RABGEF1: variants seen among roughly 807,000 people sequenced by gnomAD.
RABGEF1 encodes the protein rab5 GDP/GTP exchange factor.
In RABGEF1, 26 loss-of-function variants were observed where a neutral mutation model predicts 57.3. The ratio of observed to expected loss-of-function variants is 0.45; its 90% CI spans 0.33 to 0.63. The LOEUF (loss-of-function observed/expected upper bound fraction) is 0.63. Among genes scored for constraint, RABGEF1 ranks in the 20% least tolerant of loss-of-function variants. The pLI is 0.02. For synonymous variants in RABGEF1, 185 were observed against 210.7 expected, an observed-to-expected ratio of 0.88 and a Z score of 1.06; for missense variants, 464 against 607.6, an observed-to-expected ratio of 0.76 and a Z score of 2.48.
intron 1 of RABGEF1, among the ~76,000 whole-genome samples, chr7:66,686,998 T>G (rs1413263141): frequency 1.3e-5 from 2 of 151,596 alleles, no homozygotes; most frequent in Non-Finnish European, 2.9e-5. Flanking sequence ...ATTTTTTATA[T>G]TTTTAGTAGA....
At chr7:66,756,022 G>T (rs1486713034) in intron 1 of RABGEF1, 2 of 1,472,924 alleles carry the variant, frequency 1.4e-6, no homozygotes, top group Admixed American at 4.6e-5. Context: ...TTGGATTACA[G>T]ATTGCAAATG....
intron 2 of RABGEF1, among the ~76,000 whole-genome samples, chr7:66,720,776 C>G (rs950275235): frequency 2.0e-5 from 3 of 152,264 alleles, no homozygotes; most frequent in African/African-American, 7.2e-5. Flanking sequence ...TTGCAGACAA[C>G]ATGATCATCT....
chr7:66,784,891 C>T (rs1210578178), intron 4 of RABGEF1, among the ~76,000 whole-genome samples: 2 of 151,566 alleles, frequency 1.3e-5, no homozygotes, highest in African/African-American at 4.8e-5. Context: ...GATAGATATC[C>T]TTAATATGGA....
chr7:66,804,854 T>G (rs1788091824), intron 7 of RABGEF1, among the ~76,000 whole-genome samples: 1 of 152,138 alleles, frequency 6.6e-6, no homozygotes, highest in Admixed American at 6.6e-5. Context: ...TCTCTGAACT[T>G]CAGCCCCCTC....
chr7:66,753,218 A>C (rs1412036345), intron 1 of RABGEF1, among the ~76,000 whole-genome samples: 1 of 152,118 alleles, frequency 6.6e-6, no homozygotes, highest in Non-Finnish European at 1.5e-5. Flanking sequence ...TGACCATGTA[A>C]CTTATTATCC....
intron 1 of RABGEF1, among the ~76,000 whole-genome samples, chr7:66,746,489 C>T (rs1800249706): frequency 6.6e-6 from 1 of 151,828 alleles, no homozygotes; most frequent in Non-Finnish European, 1.5e-5. Context: ...CGGGGTTTCA[C>T]CATATTGGCC....
At chr7:66,720,763 T>G (rs2117509194) in intron 2 of RABGEF1, among the ~76,000 whole-genome samples, 1 of 152,304 alleles carries the variant, frequency 6.6e-6, no homozygotes, top group East Asian at 1.9e-4. Flanking sequence ...AACACTGTTC[T>G]TATTGCAGAC....
chr7:66,770,969 TTTGTTG>T (rs144702649), intron 1 of RABGEF1, among the ~76,000 whole-genome samples: 34 of 151,684 alleles, frequency 2.2e-4, no homozygotes, highest in Admixed American at 1.1e-3. Flanking sequence ...ATTATTTGGG[TTTGTTG>T]TTGTTGTTGT....
chr7:66,785,309 A>G, intron 4 of RABGEF1, among the ~76,000 whole-genome samples: 1 of 152,120 alleles, frequency 6.6e-6, no homozygotes, highest in East Asian at 1.9e-4. Flanking sequence ...CCATTTCTAC[A>G]CTATGTGTTT....
At chr7:66,803,405 A>G (rs896056480) in intron 7 of RABGEF1, among the ~76,000 whole-genome samples, 1 of 152,206 alleles carries the variant, frequency 6.6e-6, no homozygotes, top group Non-Finnish European at 1.5e-5. Context: ...TTGGTGTAAA[A>G]TTAAGCTGCC....
At chr7:66,675,759 A>G in the RABGEF1 span, among the ~76,000 whole-genome samples, 1 of 152,196 alleles carries the variant, frequency 6.6e-6, no homozygotes, top group Non-Finnish European at 1.5e-5. Context: ...CACACACAAA[A>G]ATTAGTTGCA....
At chr7:66,763,875 A>G (rs1805054892) in intron 1 of RABGEF1, among the ~76,000 whole-genome samples, 1 of 152,186 alleles carries the variant, frequency 6.6e-6, no homozygotes, top group Non-Finnish European at 1.5e-5. Flanking sequence ...TTGTTTATTA[A>G]TTCATCAGTT....
chr7:66,728,715 T>TGTCCTCACCTCCACCTTCACCTCC (rs1796903660), intron 2 of RABGEF1, among the ~76,000 whole-genome samples: 5 of 1,250 alleles, frequency 4.0e-3, no homozygotes, highest in Admixed American at 0.033. Flanking sequence ...CTTTCAGCTC[T>TGTCCTCACCTCCACCTTCACCTCC]GTCCTCACCT....
chr7:66,748,325 G>C (rs531866975), intron 1 of RABGEF1, among the ~76,000 whole-genome samples: 1 of 152,306 alleles, frequency 6.6e-6, no homozygotes, highest in African/African-American at 2.4e-5. Flanking sequence ...AGATTATCTA[G>C]ATGAGTAGGT....
At chr7:66,715,711 T>C (rs1001314411) in intron 2 of RABGEF1, among the ~76,000 whole-genome samples, 3 of 152,230 alleles carry the variant, frequency 2.0e-5, no homozygotes, top group Non-Finnish European at 4.4e-5. Context: ...GGGGTTTATT[T>C]TGTGACCAAG....
chr7:66,791,872 A>G (rs1584167892), intron 4 of RABGEF1, among the ~76,000 whole-genome samples: 1 of 152,102 alleles, frequency 6.6e-6, no homozygotes, highest in East Asian at 1.9e-4. Flanking sequence ...CCAGCTCTTT[A>G]GGAGGCCGAG....
chr7:66,705,443 A>AAGAGAGAGAGAGAG (rs57856916), intron 1 of RABGEF1, among the ~76,000 whole-genome samples: 1 of 66,370 alleles, frequency 1.5e-5, no homozygotes, highest in African/African-American at 7.6e-5. Context: ...TCTCGAAAGA[A>AAGAGAGAGAGAGAG]AGAGAGAGAG....
intron 2 of RABGEF1, among the ~76,000 whole-genome samples, chr7:66,731,955 AG>A (rs1797368852): frequency 6.6e-6 from 1 of 152,068 alleles, no homozygotes; most frequent in African/African-American, 2.4e-5. Flanking sequence ...CACTCCCCCC[AG>A]GGCCCATGGG....
chr7:66,698,833 T>G (rs1157435948), intron 1 of RABGEF1, among the ~76,000 whole-genome samples: 1 of 152,176 alleles, frequency 6.6e-6, no homozygotes, highest in Non-Finnish European at 1.5e-5. Flanking sequence ...ACCCTGGTAC[T>G]CCTCCACCTT....
Sources: allele counts gnomAD v4.1 joint callset (sites outside exome capture counted in the v4.1 genomes callset), GRCh38; gene constraint gnomAD v4.1.1; transcripts MANE v1.5; gene names NCBI Gene and HGNC (gene_info 2026-07-23, HGNC 2026-07-21).